Variants in MAGI2 observed in about 807,000 individuals in gnomAD.
The protein encoded by MAGI2 is membrane-associated guanylate kinase, WW and PDZ domain-containing protein 2.
Under a neutral mutation model 133.3 loss-of-function variants are expected in MAGI2, and 35 were observed. That is an observed-to-expected ratio of 0.26 (90% confidence interval 0.20 to 0.35). The LOEUF (loss-of-function observed/expected upper bound fraction) is 0.35, where lower values mean the gene tolerates loss of function less well. Among genes scored for constraint, MAGI2 ranks in the 10% least tolerant of loss-of-function variants. The pLI, the probability that MAGI2 is intolerant of heterozygous loss-of-function variation, is 1.00. For synonymous variants in MAGI2, 729 were observed against 710.6 expected (o/e 1.03, Z -0.41); for missense variants, 1,636 against 1,863.4 (o/e 0.88, Z 2.25).
At chr7:78,676,210 C>A (rs1351073252) in intron 2 of MAGI2, among the ~76,000 whole-genome samples, 3 of 151,992 alleles carry the variant, frequency 2.0e-5, no homozygotes, top group Non-Finnish European at 4.4e-5. Flanking sequence ...GATATAATGC[C>A]ATTATAGAAA....
intron 2 of MAGI2, among the ~76,000 whole-genome samples, chr7:78,873,703 TG>T (rs1217755995): frequency 1.3e-4 from 20 of 152,286 alleles, no homozygotes; most frequent in Non-Finnish European, 2.9e-4. Context: ...CCCACTCCCT[TG>T]CCCTGTCTGT....
intron 1 of MAGI2, among the ~76,000 whole-genome samples, chr7:79,426,034 T>G (rs145775635): frequency 5.3e-5 from 8 of 152,324 alleles, no homozygotes; most frequent in African/African-American, 1.9e-4. Context: ...CGGATGGTCT[T>G]CGAAACATTA....
intron 2 of MAGI2, among the ~76,000 whole-genome samples, chr7:78,668,220 G>A (rs1319012704): frequency 1.1e-4 from 16 of 152,064 alleles, no homozygotes; most frequent in East Asian, 3.9e-4. Context: ...CATGTCCTTC[G>A]CCCACTTTTT....
At chr7:79,271,787 T>C (rs1834899198) in intron 1 of MAGI2, among the ~76,000 whole-genome samples, 1 of 151,640 alleles carries the variant, frequency 6.6e-6, no homozygotes, top group Non-Finnish European at 1.5e-5. Flanking sequence ...AAGTTGCTGG[T>C]TTCAAAAAAG....
chr7:78,381,560 G>A (rs189250358), intron 6 of MAGI2, among the ~76,000 whole-genome samples: 97 of 152,132 alleles, frequency 6.4e-4, no homozygotes, highest in Admixed American at 1.4e-3. Flanking sequence ...ACATATCAGT[G>A]ATAAAGAGCT....
chr7:78,066,404 G>A (rs1813826539), intron 21 of MAGI2, among the ~76,000 whole-genome samples: 1 of 151,490 alleles, frequency 6.6e-6, no homozygotes, highest in South Asian at 2.1e-4. Context: ...AGAGGTTGCA[G>A]TGAGCCGACA....
At chr7:78,142,242 G>A (rs1822836275) in intron 16 of MAGI2, among the ~76,000 whole-genome samples, 1 of 152,096 alleles carries the variant, frequency 6.6e-6, no homozygotes, top group Non-Finnish European at 1.5e-5. Flanking sequence ...CTCACACTTT[G>A]ATTTTGCGCT....
intron 1 of MAGI2, among the ~76,000 whole-genome samples, chr7:79,041,845 A>C (rs1157358036): frequency 6.6e-6 from 1 of 152,194 alleles, no homozygotes; most frequent in African/African-American, 2.4e-5. Flanking sequence ...TATACCATGG[A>C]CAAATAACTT....
intron 2 of MAGI2, among the ~76,000 whole-genome samples, chr7:78,999,734 C>A (rs1161813669): frequency 1.3e-5 from 2 of 152,128 alleles, no homozygotes; most frequent in Non-Finnish European, 2.9e-5. Context: ...CTTGGTCTAG[C>A]CTCCCAGGCC....
intron 1 of MAGI2, among the ~76,000 whole-genome samples, chr7:79,081,238 CTATT>C (rs1415580569): frequency 4.6e-5 from 7 of 152,148 alleles, no homozygotes; most frequent in Non-Finnish European, 8.8e-5. Flanking sequence ...TAACTAATGT[CTATT>C]TATCTCCATC....
chr7:79,129,060 G>A (rs111616729), intron 1 of MAGI2, among the ~76,000 whole-genome samples: 1,867 of 152,062 alleles, frequency 0.012, 33 homozygotes, highest in African/African-American at 0.041. Context: ...TAGCAGAAAC[G>A]GGGTTTCACC....
chr7:79,059,131 T>C (rs1199900302), intron 1 of MAGI2, among the ~76,000 whole-genome samples: 1 of 152,072 alleles, frequency 6.6e-6, no homozygotes, highest in African/African-American at 2.4e-5. Flanking sequence ...ATATTTTTAA[T>C]TATATTATTT....
chr7:78,368,255 A>G (rs1458491844), intron 7 of MAGI2, among the ~76,000 whole-genome samples: 1 of 152,224 alleles, frequency 6.6e-6, no homozygotes, highest in Admixed American at 6.5e-5. Flanking sequence ...TATTGTTACA[A>G]AAACAATTTA....
chr7:79,259,815 T>A (rs146787652), intron 1 of MAGI2, among the ~76,000 whole-genome samples: 230 of 152,350 alleles, frequency 1.5e-3, no homozygotes, highest in African/African-American at 5.2e-3. Flanking sequence ...TATACCAGAT[T>A]GTATTTACCC....
At chr7:78,909,117 G>GAAAA (rs377390532) in intron 2 of MAGI2, among the ~76,000 whole-genome samples, 8,066 of 110,166 alleles carry the variant, frequency 0.073, 280 homozygotes, top group Non-Finnish European at 0.11. Context: ...AAATGTACAA[G>GAAAA]AAAAAAAAAA....
At chr7:78,231,565 C>T (rs1392434060) in intron 10 of MAGI2, among the ~76,000 whole-genome samples, 3 of 152,184 alleles carry the variant, frequency 2.0e-5, no homozygotes, top group African/African-American at 4.8e-5. Flanking sequence ...CACTTCTATG[C>T]GTCCCTAAAG....
At chr7:79,121,224 A>C (rs1010489846) in intron 1 of MAGI2, among the ~76,000 whole-genome samples, 1 of 152,142 alleles carries the variant, frequency 6.6e-6, no homozygotes, top group Non-Finnish European at 1.5e-5. Context: ...AATTAGAATG[A>C]AAAACAGATC....
chr7:78,888,551 C>A (rs991513245), intron 2 of MAGI2, among the ~76,000 whole-genome samples: 2 of 152,214 alleles, frequency 1.3e-5, no homozygotes, highest in African/African-American at 2.4e-5. Flanking sequence ...AACGATCAGA[C>A]AGCAACATTT....
chr7:78,744,082 C>G (rs1209952503), intron 2 of MAGI2, among the ~76,000 whole-genome samples: 4 of 151,930 alleles, frequency 2.6e-5, no homozygotes, highest in African/African-American at 9.7e-5. Flanking sequence ...TTCTTTTTGT[C>G]TTTTAAATCA....
Sources: gnomAD v4.1 joint callset for allele counts (sites outside exome capture counted in the v4.1 genomes callset) on GRCh38, gnomAD v4.1.1 for gene constraint, MANE v1.5 for transcripts, NCBI Gene and HGNC (gene_info 2026-07-23, HGNC 2026-07-21) for gene names.